The following FANK1 variants were observed in gnomAD, a reference collection of about 807,000 sequenced individuals.
The protein encoded by FANK1 is fibronectin type III and ankyrin repeat domains 1, also known as fibronectin type 3 and ankyrin repeat domains protein 1.
In FANK1, 44 loss-of-function variants were observed where a neutral mutation model predicts 45.3. The observed-to-expected ratio is 0.97, with a 90% CI of 0.76 to 1.25. The LOEUF (loss-of-function observed/expected upper bound fraction) is 1.25. FANK1 is among the 50% of genes most tolerant of loss of function. The pLI is 0.00. For synonymous variants in FANK1, 149 were observed against 152.5 expected (o/e 0.98, Z 0.17); for missense variants, 391 against 424.4 (o/e 0.92, Z 0.69).
At chr10:125,907,479 C>A in intron 1 of FANK1, 1 of 985,072 alleles carries the variant, frequency 1.0e-6, no homozygotes, top group Non-Finnish European at 1.2e-6. Context: ...CACTGCTCAG[C>A]CTTTTGGATG....
At chr10:125,973,499 A>T in intron 1 of FANK1, 2 of 980,956 alleles carry the variant, frequency 2.0e-6, no homozygotes, top group South Asian at 9.4e-5. Context: ...GTAAGAGGTC[A>T]GTGTCTGGTT....
chr10:125,966,259 T>A (rs2134185119), intron 1 of FANK1, among the ~76,000 whole-genome samples: 1 of 152,346 alleles, frequency 6.6e-6, no homozygotes, highest in South Asian at 2.1e-4. Flanking sequence ...ATAAAAAATA[T>A]AAGAAAATTT....
At chr10:125,942,507 G>A (rs1358152875) in intron 1 of FANK1, among the ~76,000 whole-genome samples, 1 of 152,120 alleles carries the variant, frequency 6.6e-6, no homozygotes. Flanking sequence ...AATCTTAAAC[G>A]ATTTGAGGAG....
rs955640626 is a variant in FANK1, at chr10:125,918,598, A to G, written c.13+21943A>G. Among the ~76,000 whole-genome samples the G allele has an allele frequency of 5.0e-3, 626 of 125,388 alleles. 13 individuals carry two copies. Among genetic ancestry groups the G allele is most frequent in the African/African-American group, 0.018 (589 of 33,044 alleles). The allele number at this position is 125,388 out of a possible 152,430, so 82.3% of individuals were successfully genotyped here. The stretch of plus-strand genomic sequence containing the variant: ...AAAAAAAAAAAAAATATATATATAT[A>G]TATATATATAGTTATATATACTTTA... On this transcript the variant is annotated intron_variant, in intron 1 of 10. Transcript: ENST00000368693.
intron 1 of FANK1, among the ~76,000 whole-genome samples, chr10:125,953,350 C>T (rs975764944): frequency 6.6e-6 from 1 of 152,162 alleles, no homozygotes; most frequent in African/African-American, 2.4e-5. Flanking sequence ...GTCTGAATGA[C>T]TGTCTAGGGA....
rs71029275 is a variant in FANK1, at chr10:125,951,236, T to TA, written c.14-28911dup. 6.4e-3 allele frequency among the ~76,000 whole-genome samples: 842 copies of TA among 131,584 alleles called. 1 individual carries two copies. Among genetic ancestry groups the TA allele is most frequent in the African/African-American group, 9.9e-3 (350 of 35,310 alleles). The allele number at this position is 131,584 out of a possible 152,430, so 86.3% of individuals were successfully genotyped here. A position where few individuals can be genotyped will look rare whatever the true frequency, so the allele number is the denominator to read the frequency against. ...CACATGTACCCTAAAACTTAAAGTATAAAAAAAAAAAAAAGAACAAAACAA... is the reference window on the plus strand; with the variant it reads ...CACATGTACCCTAAAACTTAAAGTATAAAAAAAAAAAAAAAGAACAAAACAA... On this transcript the variant is annotated intron_variant, in intron 1 of 10. Transcript: ENST00000368693.
intron 1 of FANK1, among the ~76,000 whole-genome samples, chr10:125,929,625 CT>C (rs1415070854): frequency 6.6e-6 from 1 of 152,118 alleles, no homozygotes; most frequent in Admixed American, 6.5e-5. Context: ...CACATGTAGC[CT>C]GTCTATCTGG....
Position 125,996,551 on chromosome 10 carries a change from CGTGTTAAGGT to C in FANK1, c.401_410del (p.Arg134LeufsTer12). The C allele has an allele frequency of 6.2e-7, 1 of 1,613,854 alleles. No homozygotes were observed. Among genetic ancestry groups the C allele is most frequent in the East Asian group, 2.2e-5 (1 of 44,876 alleles). On this transcript the variant is annotated frameshift_variant and splice_region_variant, in exon 5 of 11. Transcript: ENST00000368693. LOFTEE classifies it high-confidence loss of function. The stretch of plus-strand genomic sequence containing the variant: ...TCTCTTTTCTCTGCTTTTCCCAAGC[CGTGTTAAGGT>C]TGATGTTCCCAATAAGTTTGGCTTT...
At chr10:125,936,573 C>T (rs1948113253) in intron 1 of FANK1, among the ~76,000 whole-genome samples, 2 of 152,034 alleles carry the variant, frequency 1.3e-5, no homozygotes, top group African/African-American at 4.8e-5. Flanking sequence ...AGCTTTTGAA[C>T]TCTGTGTAAA....
intron 1 of FANK1, among the ~76,000 whole-genome samples, chr10:125,919,346 C>T (rs1946767013): frequency 1.3e-5 from 2 of 151,462 alleles, no homozygotes; most frequent in Non-Finnish European, 2.9e-5. Context: ...GCTGGGATTA[C>T]AGGCACACAC....
At chr10:125,944,090 T>C (rs1948621122) in intron 1 of FANK1, among the ~76,000 whole-genome samples, 1 of 152,240 alleles carries the variant, frequency 6.6e-6, no homozygotes, top group African/African-American at 2.4e-5. Flanking sequence ...TTCTTGTGTA[T>C]ACTTTAATTT....
At chr10:126,001,324 T>G (rs1252185570) in intron 6 of FANK1, among the ~76,000 whole-genome samples, 2 of 152,150 alleles carry the variant, frequency 1.3e-5, no homozygotes, top group African/African-American at 2.4e-5. Context: ...CTGTTTTCAG[T>G]GCTTAAGTAA....
chr10:125,901,603 C>T (rs879891870), intron 1 of FANK1, among the ~76,000 whole-genome samples: 2,890 of 152,316 alleles, frequency 0.019, 33 homozygotes, highest in South Asian at 0.033. Flanking sequence ...AAACAAGCTT[C>T]TTTCAGGACT....
At chr10:125,967,954 A>G (rs1451511318) in intron 1 of FANK1, among the ~76,000 whole-genome samples, 1 of 152,232 alleles carries the variant, frequency 6.6e-6, no homozygotes, top group African/African-American at 2.4e-5. Context: ...TGTGTAATAT[A>G]CAGTGTAATG....
chr10:125,910,031 G>A (rs553987087), intron 1 of FANK1, among the ~76,000 whole-genome samples: 2 of 151,046 alleles, frequency 1.3e-5, no homozygotes, highest in Non-Finnish European at 2.9e-5. Flanking sequence ...TCTGTAACTA[G>A]CACCAAGATA....
chr10:126,008,086 A>T (rs1433907656), intron 7 of FANK1, among the ~76,000 whole-genome samples: 1 of 152,212 alleles, frequency 6.6e-6, no homozygotes, highest in Non-Finnish European at 1.5e-5. Flanking sequence ...ACATAAAAGT[A>T]AGAAAAATGA....
rs1393535094 is a variant in FANK1 at position 125,974,047 on chromosome 10, A to G, written c.14-6114A>G. ...ATTTTACTGTAGGAAATATGCCATC[A>G]TTTATTTAGATACTTTGTAACTTAA... On this transcript the variant is annotated intron_variant, in intron 1 of 10. Coordinates refer to ENST00000368693, the MANE Select transcript of FANK1 (RefSeq NM_145235.5). Among the ~76,000 whole-genome samples, 3 of 152,214 alleles carry G rather than the reference A, an allele frequency of 2.0e-5. No homozygotes were observed. The East Asian group carries it at 5.8e-4, about 29-fold the overall frequency.
intron 1 of FANK1, among the ~76,000 whole-genome samples, chr10:125,919,453 C>G (rs1193407586): frequency 2.6e-5 from 4 of 151,986 alleles, no homozygotes; most frequent in Non-Finnish European, 4.4e-5. Flanking sequence ...TGATCCTCCC[C>G]CCTTGGCCTC....
At chr10:125,971,655 T>A (rs1228619973) in intron 1 of FANK1, among the ~76,000 whole-genome samples, 8 of 152,088 alleles carry the variant, frequency 5.3e-5, no homozygotes, top group South Asian at 2.1e-4. Context: ...GGAGTCTCGC[T>A]CCGTCGCCCA....
Sources: gnomAD v4.1 joint callset for allele counts (sites outside exome capture counted in the v4.1 genomes callset) on GRCh38, gnomAD v4.1.1 for gene constraint, MANE v1.5 for transcripts, NCBI Gene and HGNC (gene_info 2026-07-23, HGNC 2026-07-21) for gene names.